The following NRG4 variants were observed in gnomAD, a reference collection of about 807,000 sequenced individuals.
NRG4 encodes neuregulin 4, also known as pro-neuregulin-4, membrane-bound isoform.
A neutral mutation model predicts 15.0 loss-of-function variants in NRG4; 10 were observed. The ratio of observed to expected loss-of-function variants is 0.67; its 90% confidence interval spans 0.41 to 1.13. The LOEUF is 1.13. NRG4 is among the 50% of genes most tolerant of loss of function. The pLI is 0.00. For missense variants in NRG4, 139 were observed against 140.2 expected, an observed-to-expected ratio of 0.99 and a Z score of 0.04; for synonymous variants, 41 against 50.1, an observed-to-expected ratio of 0.82 and a Z score of 0.77.
intron 3 of NRG4, among the ~76,000 whole-genome samples, chr15:75,976,724 G>A (rs948246372): frequency 8.5e-5 from 13 of 152,224 alleles, no homozygotes; most frequent in African/African-American, 1.7e-4. Context: ...AGGGGTACCC[G>A]CCAGATGCCA....
intron 3 of NRG4, among the ~76,000 whole-genome samples, chr15:75,962,919 T>C (rs2032603711): frequency 6.6e-6 from 1 of 152,214 alleles, no homozygotes; most frequent in African/African-American, 2.4e-5. Flanking sequence ...AATAAAAAGG[T>C]TGATTCTACT....
chr15:75,973,871 G>A (rs2033234034), intron 3 of NRG4, among the ~76,000 whole-genome samples: 1 of 152,144 alleles, frequency 6.6e-6, no homozygotes, highest in Non-Finnish European at 1.5e-5. Flanking sequence ...TCAAGATGAT[G>A]CTGGCCTCAT....
chr15:76,017,152 TGCC>T (rs2035001808), upstream of NRG4, among the ~76,000 whole-genome samples: 1 of 126,592 alleles, frequency 7.9e-6, no homozygotes, highest in Admixed American at 8.1e-5. Context: ...TTGCAACCCC[TGCC>T]TTTTTTTTTT....
chr15:76,004,850 C>G (rs1365169324), intron 3 of NRG4, among the ~76,000 whole-genome samples: 1 of 151,994 alleles, frequency 6.6e-6, no homozygotes, highest in East Asian at 1.9e-4. Flanking sequence ...TCTAAAGGCA[C>G]AAATACAGTT....
chr15:75,936,009 G>C (rs1025828534), downstream of NRG4: 3 of 152,204 alleles, frequency 2.0e-5, no homozygotes, highest in African/African-American at 4.8e-5. Context: ...AGATGGTCTC[G>C]ATCTCCTGAC....
chr15:76,018,497 C>G (rs537987349), intron 5 of NRG4, among the ~76,000 whole-genome samples: 2 of 152,138 alleles, frequency 1.3e-5, no homozygotes, highest in African/African-American at 4.8e-5. Flanking sequence ...TTGTGACCTT[C>G]GGATGGGGTT....
chr15:75,940,581 T>C (rs1228456745), downstream of NRG4: 1 of 151,416 alleles, frequency 6.6e-6, no homozygotes, highest in Non-Finnish European at 1.5e-5. Flanking sequence ...ACCTGCAGAG[T>C]TTAAAACTTA....
chr15:76,016,130 GC>G (rs1377498963), upstream of NRG4, among the ~76,000 whole-genome samples: 1 of 152,300 alleles, frequency 6.6e-6, no homozygotes, highest in Non-Finnish European at 1.5e-5. Flanking sequence ...TAGTTTATTT[GC>G]ATAGAGGTGT....
chr15:76,040,561 G>T (rs918142478), intron 4 of NRG4, among the ~76,000 whole-genome samples: 1 of 152,172 alleles, frequency 6.6e-6, no homozygotes, highest in South Asian at 2.1e-4. Flanking sequence ...TTATAACACT[G>T]AACTGTGGTG....
chr15:75,954,512 C>G (rs1366210055), intron 5 of NRG4, among the ~76,000 whole-genome samples: 1 of 151,126 alleles, frequency 6.6e-6, no homozygotes, highest in South Asian at 2.1e-4. Flanking sequence ...TCAATGCAAC[C>G]TCCGCCTCTG....
intron 3 of NRG4, among the ~76,000 whole-genome samples, chr15:75,991,404 G>A (rs1179483999): frequency 4.6e-5 from 7 of 152,088 alleles, no homozygotes; most frequent in African/African-American, 1.2e-4. Flanking sequence ...AAAAACAGGC[G>A]ATGGGCAAGA....
At chr15:76,042,800 C>T (rs1195697035) in intron 4 of NRG4, among the ~76,000 whole-genome samples, 2 of 152,054 alleles carry the variant, frequency 1.3e-5, no homozygotes, top group Admixed American at 6.5e-5. Flanking sequence ...GTTCCAAGCT[C>T]ATTCTACAAG....
intron 3 of NRG4, among the ~76,000 whole-genome samples, chr15:75,972,109 C>G (rs1379947720): frequency 6.6e-6 from 1 of 152,222 alleles, no homozygotes; most frequent in Non-Finnish European, 1.5e-5. Flanking sequence ...TTGCATTTCT[C>G]TAATGACCAG....
intron 3 of NRG4, among the ~76,000 whole-genome samples, chr15:76,002,196 G>A (rs2034440480): frequency 6.6e-6 from 1 of 152,166 alleles, no homozygotes; most frequent in Non-Finnish European, 1.5e-5. Context: ...AGGGAAAAAA[G>A]TGACTAAGGA....
At chr15:76,015,350 T>C (rs768787919), upstream of NRG4, among the ~76,000 whole-genome samples, 1 of 152,216 alleles carries the variant, frequency 6.6e-6, no homozygotes, top group Non-Finnish European at 1.5e-5. Flanking sequence ...TCTTGCCTGA[T>C]TGGCCTGGCC....
chr15:76,039,437 T>C lies in NRG4; in HGVS notation c.-104-3446A>G, dbSNP rs185664419. Among the ~76,000 whole-genome samples the C allele has an allele frequency of 9.9e-5, 15 of 152,242 alleles. No individual in the cohort carries two copies. In the East Asian group the frequency reaches 2.7e-3, roughly 27 times the overall value. On this transcript the variant is annotated intron_variant, in intron 4 of 8. Transcript: ENST00000563910. ...ATGAGATTAAAATAATTGAAAAGAA[T>C]AGGTAGAAATTCTGAAGGTGAAAAA...
intron 4 of NRG4, among the ~76,000 whole-genome samples, chr15:76,044,241 A>G (rs973712583): frequency 1.3e-5 from 2 of 150,320 alleles, no homozygotes; most frequent in Non-Finnish European, 3.0e-5. Context: ...TGACCTCATG[A>G]TCCACCCGCC....
intron 2 of NRG4, among the ~76,000 whole-genome samples, chr15:76,054,736 A>G (rs112767483): frequency 0.011 from 1,717 of 152,360 alleles, 39 homozygotes; most frequent in African/African-American, 0.039. Flanking sequence ...ACAATAGGAA[A>G]GAGACAGTGG....
intron 1 of NRG4, among the ~76,000 whole-genome samples, chr15:76,058,525 A>C (rs900332019): frequency 9.9e-5 from 15 of 152,214 alleles, no homozygotes; most frequent in African/African-American, 3.4e-4. Flanking sequence ...GTGGTTTTGA[A>C]GTCCTTCAAC....
Sources: gnomAD v4.1 joint callset for allele counts (sites outside exome capture counted in the v4.1 genomes callset) on GRCh38, gnomAD v4.1.1 for gene constraint, MANE v1.5 for transcripts, NCBI Gene and HGNC (gene_info 2026-07-23, HGNC 2026-07-21) for gene names.